The following TMEM131 variants were observed in gnomAD, a reference collection of about 807,000 sequenced individuals.
The protein encoded by TMEM131 is 2610524E03Rik.
TMEM131 carries 66 observed loss-of-function variants against 211.6 expected under a neutral mutation model. The observed-to-expected ratio is 0.31, with a 90% CI of 0.26 to 0.38. The LOEUF is 0.38. TMEM131 is among the 10% of genes least tolerant of loss of function. The probability of loss-of-function intolerance (pLI) is 1.00; values close to 1 mark genes in which losing one functional copy is unlikely to be tolerated. For missense variants in TMEM131, 2,036 were observed against 2,299.3 expected (o/e 0.89, Z 2.34); for synonymous variants, 844 against 841.3 (o/e 1.00, Z -0.06).
intron 19 of TMEM131, among the ~76,000 whole-genome samples, chr2:97,809,446 A>T (rs554958671): frequency 1.6e-4 from 24 of 152,282 alleles, no homozygotes; most frequent in African/African-American, 5.8e-4. Context: ...CACTCCTCTT[A>T]GGGCAACTTC....
intron 3 of TMEM131, among the ~76,000 whole-genome samples, chr2:97,895,491 C>T (rs912788437): frequency 6.6e-5 from 10 of 152,118 alleles, no homozygotes; most frequent in African/African-American, 2.4e-4. Flanking sequence ...GTGAATCTGT[C>T]TGGTCTTGGA....
chr2:97,883,700 G>A (rs973203618), intron 4 of TMEM131, among the ~76,000 whole-genome samples: 1 of 152,026 alleles, frequency 6.6e-6, no homozygotes, highest in Non-Finnish European at 1.5e-5. Context: ...AAAATAAAAA[G>A]TTTAAAACAA....
At chr2:97,775,778 G>T in intron 32 of TMEM131, 65 bp downstream of exon 32, 1 of 1,516,018 alleles carries the variant, frequency 6.6e-7, no homozygotes, top group South Asian at 1.3e-5. Context: ...GAGATGGAAG[G>T]TCTTGTGAGC....
intron 1 of TMEM131, among the ~76,000 whole-genome samples, chr2:97,941,999 C>A (rs191968805): frequency 1.6e-4 from 24 of 152,272 alleles, no homozygotes; most frequent in African/African-American, 5.8e-4. Context: ...GATTATAAAT[C>A]ATGCTGCTAT....
At position 97,813,881 on chromosome 2, in the gene TMEM131, A is replaced by G. The variant is rs570152718; in HGVS notation, c.1617+90T>C. On this transcript the variant is annotated intron_variant, in intron 15 of 40. Coordinates refer to ENST00000186436, the MANE Select transcript of TMEM131 (RefSeq NM_015348.2). ...CAATTTGCAGAGCACAAATAATGGC[A>G]AACCGTATGTAACACGACTGCCTAA... 9 of 1,068,554 alleles carry G rather than the reference A, an allele frequency of 8.4e-6. No homozygotes were observed. The African/African-American group carries it at 1.4e-4, about 17-fold the overall frequency. The allele number at this position is 1,068,554 out of a possible 1,614,324, so 66.2% of individuals were successfully genotyped here. A position where few individuals can be genotyped will look rare whatever the true frequency, so the allele number is the denominator to read the frequency against.
At chr2:97,936,452 G>A (rs141274108) in intron 1 of TMEM131, among the ~76,000 whole-genome samples, 71 of 152,234 alleles carry the variant, frequency 4.7e-4, no homozygotes, top group African/African-American at 1.3e-3. Flanking sequence ...TCAACTGCCC[G>A]GCTGAGTGTT....
intron 1 of TMEM131, among the ~76,000 whole-genome samples, chr2:97,948,229 C>T (rs1054956938): frequency 6.6e-6 from 1 of 151,776 alleles, no homozygotes; most frequent in Non-Finnish European, 1.5e-5. Context: ...AGCTTTTACT[C>T]CTCAAAAGAC....
chr2:97,939,841 A>G (rs1006669681), intron 1 of TMEM131, among the ~76,000 whole-genome samples: 1 of 152,236 alleles, frequency 6.6e-6, no homozygotes, highest in Non-Finnish European at 1.5e-5. Context: ...AGTTGGCTTC[A>G]TCCCTGAGAT....
Position 97,756,946 on chromosome 2 carries a change from G to T in TMEM131, c.*153C>A. On this transcript the variant is annotated 3_prime_UTR_variant, in exon 41 of 41. Transcript: ENST00000186436. ...ATTGCAAGAAAGATCTGAAAGAAGC[G>T]AGTGGTCTGAGCCTGCCCTGCTTGG... is the stretch of plus-strand genomic sequence containing the variant. 1.3e-6 allele frequency: 1 copy of T among 758,106 alleles called. No homozygotes were observed. Among genetic ancestry groups the T allele is most frequent in the Non-Finnish European group, 2.0e-6 (1 of 508,970 alleles). 47.0% of individuals were successfully genotyped at this position (758,106 alleles called of 1,614,324 possible).
At chr2:97,962,332 T>C (rs1421863634) in intron 1 of TMEM131, among the ~76,000 whole-genome samples, 2 of 152,066 alleles carry the variant, frequency 1.3e-5, no homozygotes, top group African/African-American at 4.8e-5. Context: ...TGAAACTCCA[T>C]CTCTACTAAA....
chr2:97,887,232 G>A (rs1381670450), intron 4 of TMEM131, among the ~76,000 whole-genome samples: 3 of 152,244 alleles, frequency 2.0e-5, no homozygotes, highest in African/African-American at 7.2e-5. Context: ...TGCTTCTCAG[G>A]TCCATGATGT....
chr2:97,911,724 T>C, intron 2 of TMEM131: 4 of 886,466 alleles, frequency 4.5e-6, no homozygotes, highest in Non-Finnish European at 5.4e-6. Context: ...TTGAAGTATA[T>C]GCCACAAAAC....
Position 97,792,574 on chromosome 2 carries a change from T to C in TMEM131, c.3956A>G (p.Glu1319Gly), listed in dbSNP as rs1427733957. ...PVPQPQEPQP[E>G]RLSPAPLAHP... ...TGCGAGGGGGGCGGGAGACAGCCTT[T>C]CAGGCTGCGGCTCCTGGGGCTGAGG... The change falls in exon 31 of 41, where the codon GAA becomes GGA. Residue 1319 changes from glutamate to glycine, a missense_variant. Physicochemically the swap from Glu to Gly is moderately conservative, Grantham distance 98. Around this residue, in one of 3 missense-constraint regions of TMEM131, gnomAD observed 1,623 missense variants for 1,805.9 expected, o/e 0.90. Coordinates refer to ENST00000186436, the MANE Select transcript of TMEM131 (RefSeq NM_015348.2). 2 of 1,613,326 alleles carry C rather than the reference T, an allele frequency of 1.2e-6. No individual in the cohort carries two copies. The highest frequency in any genetic ancestry group is 1.1e-5 in the South Asian group (1 of 90,968).
intron 2 of TMEM131, among the ~76,000 whole-genome samples, chr2:97,909,254 G>A (rs184394735): frequency 6.6e-6 from 1 of 152,254 alleles, no homozygotes; most frequent in Non-Finnish European, 1.5e-5. Flanking sequence ...GTGTGGCAGT[G>A]GGATGGATGG....
intron 1 of TMEM131, among the ~76,000 whole-genome samples, chr2:97,989,178 T>A (rs1680156064): frequency 6.6e-6 from 1 of 152,230 alleles, no homozygotes; most frequent in South Asian, 2.1e-4. Flanking sequence ...AATATATGTA[T>A]GTTGTGAGTT....
intron 4 of TMEM131, among the ~76,000 whole-genome samples, chr2:97,864,548 G>A (rs1479008535): frequency 6.6e-6 from 1 of 151,834 alleles, no homozygotes; most frequent in East Asian, 1.9e-4. Flanking sequence ...TTAAAAAAAA[G>A]CAACAAATTA....
rs1681530732 is a variant in TMEM131 at position 97,811,152 on chromosome 2, G to C, written c.1944C>G (p.Ala648=). 1.2e-6 allele frequency: 2 copies of C among 1,613,608 alleles called. No homozygotes were observed. The highest frequency in any genetic ancestry group is 4.5e-5 in the East Asian group (2 of 44,852). Residue 648 remains alanine, a synonymous_variant, in exon 18 of 41, where the codon GCC becomes GCG. Coordinates refer to ENST00000186436, the MANE Select transcript of TMEM131 (RefSeq NM_015348.2). ...AKKLEGIHDG[A]IQITTDYEIL... is the part of the protein sequence containing the mutation. Reference sequence around the variant, plus strand: ...CCTCATAGTCTGTTGTGATCTGGATGGCTCCATCATGAATCCCCTCTAATT... The same window carrying C: ...CCTCATAGTCTGTTGTGATCTGGATCGCTCCATCATGAATCCCCTCTAATT...
At chr2:97,866,628 T>C (rs1204067124) in intron 4 of TMEM131, among the ~76,000 whole-genome samples, 1 of 152,212 alleles carries the variant, frequency 6.6e-6, no homozygotes, top group East Asian at 1.9e-4. Context: ...GATATTTTGG[T>C]GTGTATATGT....
Position 97,797,036 on chromosome 2 carries a change from T to C in TMEM131, c.2871-50A>G, listed in dbSNP as rs1027719655. The C allele has an allele frequency of 1.9e-6, 3 of 1,556,344 alleles. No individual in the cohort carries two copies. The African/African-American group carries it at 4.1e-5, about 21-fold the overall frequency. On this transcript the variant is annotated intron_variant, in intron 26 of 40. Transcript: ENST00000186436. ...TTTTTCTCTCATTAAATCTGCACAA[T>C]CTTTTGATTTGCAATTTCTACTGTT...
Sources: allele counts gnomAD v4.1 joint callset (sites outside exome capture counted in the v4.1 genomes callset), GRCh38; gene constraint gnomAD v4.1.1; regional missense constraint gnomAD v4.1.1; transcripts MANE v1.5; gene names NCBI Gene and HGNC (gene_info 2026-07-23, HGNC 2026-07-21).